The following SERPINA10 variants were observed in gnomAD, a reference collection of about 807,000 sequenced individuals.
SERPINA10 encodes protein Z-dependent protease inhibitor.
A neutral mutation model predicts 28.0 loss-of-function variants in SERPINA10; 24 were observed. That is an observed-to-expected ratio of 0.86 (90% CI 0.62 to 1.20). The LOEUF (loss-of-function observed/expected upper bound fraction) is 1.20, where lower values mean the gene tolerates loss of function less well. Among genes scored for constraint, SERPINA10 ranks in the 50% most tolerant of loss-of-function variants. SERPINA10 has a pLI of 0.00. For missense variants in SERPINA10, 521 were observed against 537.7 expected (o/e 0.97, Z 0.31); for synonymous variants, 207 against 203.9 (o/e 1.02, Z -0.13).
rs1156830720 is a variant in SERPINA10, at chr14:94,288,381, C to T, written c.897G>A (p.Leu299=). The T allele has an allele frequency of 1.2e-6, 2 of 1,614,008 alleles. No individual in the cohort carries two copies. Among genetic ancestry groups the T allele is most frequent in the Non-Finnish European group, 1.7e-6 (2 of 1,180,018 alleles). Residue 299 remains leucine, a synonymous_variant, in exon 3 of 5, where the codon CTG becomes CTA. Coordinates refer to ENST00000261994, the MANE Select transcript of SERPINA10 (RefSeq NM_001100607.3). ...CACCCATTTTCTCCATGAGGACCAC[C>T]AGCATGGTGGCATTTCCTTGGTAGG... ...KLPYQGNATM[L]VVLMEKMGDH... is the part of the protein sequence containing the mutation.
chr14:94,282,535 G>C lies in SERPINA10; in HGVS notation c.*1430C>G, dbSNP rs1468442170. ...CATCAGATGTTTTAGATGGAAGGAA[G>C]AGTAAAAAGGGCTTGGAGACTAGAC... On this transcript the variant is annotated 3_prime_UTR_variant, in exon 5 of 5. Transcript: ENST00000261994. The C allele has an allele frequency of 6.6e-6, 1 of 152,190 alleles. No homozygotes were observed. Among genetic ancestry groups the C allele is most frequent in the Non-Finnish European group, 1.5e-5 (1 of 68,062 alleles). 9.4% of individuals were successfully genotyped at this position (152,190 alleles called of 1,614,324 possible). A position where few individuals can be genotyped will look rare whatever the true frequency, so the allele number is the denominator to read the frequency against.
rs1894943175 is a variant in SERPINA10 at position 94,283,376 on chromosome 14, C to G, written c.*589G>C. 1 of 152,808 alleles carries G rather than the reference C, an allele frequency of 6.5e-6. No homozygotes were observed. The highest frequency in any genetic ancestry group is 1.9e-4 in the East Asian group (1 of 5,208). 9.5% of individuals were successfully genotyped at this position (152,808 alleles called of 1,614,324 possible). On this transcript the variant is annotated 3_prime_UTR_variant, in exon 5 of 5. Transcript: ENST00000261994. ...CCTCCCTTATCCATGGTTTTGCTTTCTGCAGTCTCAGTTAACCATGGTCAA... is the reference window on the plus strand; with the variant it reads ...CCTCCCTTATCCATGGTTTTGCTTTGTGCAGTCTCAGTTAACCATGGTCAA...
At position 94,286,325 on chromosome 14, in the gene SERPINA10, C is replaced by T. The variant is rs539768100; in HGVS notation, c.993-67G>A. 7.8e-5 allele frequency: 123 copies of T among 1,575,698 alleles called. No individual in the cohort carries two copies. In the African/African-American group the frequency reaches 1.5e-3, roughly 20 times the overall value. On this transcript the variant is annotated intron_variant, in intron 3 of 4. Transcript: ENST00000261994. ...CCTAGTCTGTGGACACCAAAAAGGT[C>T]ACAATTTTTGTTCTTTAAGATTATT...
Position 94,282,782 on chromosome 14 carries a change from A to G in SERPINA10, c.*1183T>C, listed in dbSNP as rs971941116. On this transcript the variant is annotated 3_prime_UTR_variant, in exon 5 of 5. Coordinates refer to ENST00000261994, the MANE Select transcript of SERPINA10 (RefSeq NM_001100607.3). ...ATATGCAACTTTGAAAGACGAATATATTCATCTTTCTACCAATGCAGCCAT... is the reference window on the plus strand; with the variant it reads ...ATATGCAACTTTGAAAGACGAATATGTTCATCTTTCTACCAATGCAGCCAT... 3 of 152,220 alleles carry G rather than the reference A, an allele frequency of 2.0e-5. No individual in the cohort carries two copies. The highest frequency in any genetic ancestry group is 3.2e-3 in the Middle Eastern group (1 of 316). The allele number at this position is 152,220 out of a possible 1,614,324, so 9.4% of individuals were successfully genotyped here. A position where few individuals can be genotyped will look rare whatever the true frequency, so the allele number is the denominator to read the frequency against.
intron 1 of SERPINA10, among the ~76,000 whole-genome samples, chr14:94,291,694 G>A (rs1895181796): frequency 6.6e-6 from 1 of 152,210 alleles, no homozygotes; most frequent in Non-Finnish European, 1.5e-5. Context: ...GGTGGATGCT[G>A]CCGGCCTCAC....
chr14:94,285,487 ATATATATATATG>A lies in SERPINA10; in HGVS notation c.1143+609_1143+620del, dbSNP rs560815205. On this transcript the variant is annotated intron_variant, in intron 4 of 4. Coordinates refer to ENST00000261994, the MANE Select transcript of SERPINA10 (RefSeq NM_001100607.3). ...TATATATATGTATGTCTCTCTCCAT[ATATATATATATG>A]TGTGTGTATATATATATACACACAC... Among the ~76,000 whole-genome samples the A allele has an allele frequency of 1.8e-3, 263 of 150,006 alleles. 2 individuals carry two copies. In the South Asian group the frequency reaches 0.028, roughly 16 times the overall value.
At position 94,288,491 on chromosome 14, in the gene SERPINA10, TCTTGTA is replaced by T. The variant is rs934512602; in HGVS notation, c.781_786del (p.Tyr261_Lys262del). 5.6e-6 allele frequency: 9 copies of T among 1,614,046 alleles called. No individual in the cohort carries two copies. In the African/African-American group the frequency reaches 1.1e-4, roughly 19 times the overall value. On this transcript the variant is annotated inframe_deletion, in exon 3 of 5. Transcript: ENST00000261994. Reference sequence around the variant, plus strand: ...CCGTACATCATGGGCACCTTAATGGTCTTGTACTTGTCCAGGTGGAAAGTGTCGACT... The same window carrying T: ...CCGTACATCATGGGCACCTTAATGGTCTTGTCCAGGTGGAAAGTGTCGACT...
intron 4 of SERPINA10, 141 bp from the exon 5 acceptor site, chr14:94,284,297 A>G: frequency 1.3e-6 from 1 of 786,244 alleles, no homozygotes; most frequent in Non-Finnish European, 2.1e-6. Flanking sequence ...CATCTACGTT[A>G]AGAGGAGTGG....
rs750272507 is a variant in SERPINA10, at chr14:94,288,367, TC to T, written c.910del (p.Glu304ArgfsTer13). 1 of 1,614,156 alleles carries T rather than the reference TC, an allele frequency of 6.2e-7. No homozygotes were observed. The highest frequency in any genetic ancestry group is 1.7e-5 in the Admixed American group (1 of 60,020). ...AAGGGCGAGGTGGTCACCCATTTTC[TC>T]CATGAGGACCACCAGCATGGTGGCA... The part of the protein sequence containing the change: ...GNATMLVVLM[E>X]KMGDHLALED... On this transcript the variant is annotated frameshift_variant, in exon 3 of 5. Transcript: ENST00000261994. LOFTEE classifies it high-confidence loss of function.
At chr14:94,284,281 C>A in intron 4 of SERPINA10, 125 bp from the exon 5 acceptor site, 1 of 861,352 alleles carries the variant, frequency 1.2e-6, no homozygotes. Context: ...TTTAGTGGAG[C>A]AGGCCCATCT....
rs117841209 is a variant in SERPINA10, at chr14:94,291,047, G to A, written c.-50-404C>T. ...CATTCACTGCCCTGACCATCTGGTC[G>A]TCAGGCTGCCCATCCAGATGGGTGG... is the stretch of plus-strand genomic sequence containing the variant. On this transcript the variant is annotated intron_variant, in intron 1 of 4. Transcript: ENST00000261994. Among the ~76,000 whole-genome samples, 313 of 152,304 alleles carry A rather than the reference G, an allele frequency of 2.1e-3. 3 individuals are homozygous for A. The South Asian group carries it at 0.035, about 17-fold the overall frequency.
chr14:94,290,782 G>A, intron 1 of SERPINA10, 139 bp from the exon 2 acceptor site: 3 of 902,230 alleles, frequency 3.3e-6, no homozygotes, highest in Admixed American at 2.5e-5. Flanking sequence ...TAGAGCAAGT[G>A]TGGGTGACAT....
At position 94,288,471 on chromosome 14, in the gene SERPINA10, C is replaced by T. The variant is rs375976787; in HGVS notation, c.807G>A (p.Met269Ile). The T allele has an allele frequency of 5.9e-5, 96 of 1,614,054 alleles. No homozygotes were observed. Among genetic ancestry groups the T allele is most frequent in the Non-Finnish European group, 7.7e-5 (91 of 1,180,040 alleles). The change falls in exon 3 of 5, where the codon ATG (methionine) becomes ATA (isoleucine). Residue 269 changes from methionine to isoleucine, a missense_variant. By Grantham distance (10) the Met-to-Ile change is conservative. Transcript: ENST00000261994. The part of the protein sequence containing the change: ...DKYKTIKVPM[M>I]YGAGKFASTF... ...TGGAGGCAAACTTGCCTGCACCGTA[C>T]ATCATGGGCACCTTAATGGTCTTGT... is the stretch of plus-strand genomic sequence containing the variant.
chr14:94,285,869 G>T (rs1191043606), intron 4 of SERPINA10, among the ~76,000 whole-genome samples: 1 of 152,114 alleles, frequency 6.6e-6, no homozygotes, highest in Non-Finnish European at 1.5e-5. Flanking sequence ...ATTTCTCCCT[G>T]AGCACTTTAA....
chr14:94,288,435 C>G lies in SERPINA10; in HGVS notation c.843G>C (p.Lys281Asn). The G allele has an allele frequency of 6.2e-7, 1 of 1,614,108 alleles. No homozygotes were observed. The highest frequency in any genetic ancestry group is 1.1e-5 in the South Asian group (1 of 91,078). Residue 281 changes from lysine (K) to asparagine (N), a missense_variant, in exon 3 of 5, where the codon AAG becomes AAC. Physicochemically the swap from Lys to Asn is moderately conservative, Grantham distance 94. Transcript: ENST00000261994. ...GTTTGAGGACATGACAACGAAAATT[C>G]TTGTCAAAGGTGGAGGCAAACTTGC... is the stretch of plus-strand genomic sequence containing the variant. ...GAGKFASTFD[K>N]NFRCHVLKLP...
rs761553114 is a variant in SERPINA10, at chr14:94,290,470, C to T, written c.124G>A (p.Val42Met). The T allele has an allele frequency of 6.2e-7, 1 of 1,613,750 alleles. No homozygotes were observed. Among genetic ancestry groups the T allele is most frequent in the Non-Finnish European group, 8.5e-7 (1 of 1,179,834 alleles). ...PAPQNQTSRVVQAPKEEEEDE... is the reference protein window; with the variant it reads ...PAPQNQTSRVMQAPKEEEEDE... ...TCCTCTTCCTCCTTGGGAGCCTGCA[C>T]TACCCTGCTGGTCTGGTTCTGAGGG... is the stretch of plus-strand genomic sequence containing the variant. Residue 42 changes from valine (V) to methionine (M), a missense_variant, in exon 2 of 5, where the codon GTG (valine) becomes ATG (methionine). Physicochemically the swap from Val to Met is conservative, Grantham distance 21. Coordinates refer to ENST00000261994, the MANE Select transcript of SERPINA10 (RefSeq NM_001100607.3).
rs1335827901 is a variant in SERPINA10 at position 94,292,620 on chromosome 14, T to C, written c.-51+569A>G. ...ATGCTGAGTCTTACCTTCCTGTTCT[T>C]GGAGCTTGTCCTGCAGTCTGCAGTG... On this transcript the variant is annotated intron_variant, in intron 1 of 4. Transcript: ENST00000261994. 1.4e-5 allele frequency: 10 copies of C among 701,754 alleles called. No homozygotes were observed. In the East Asian group the frequency reaches 2.1e-4, roughly 15 times the overall value. The allele number at this position is 701,754 out of a possible 1,614,324, so 43.5% of individuals were successfully genotyped here.
Position 94,282,474 on chromosome 14 carries a change from A to G in SERPINA10, c.*1491T>C, listed in dbSNP as rs1894924416. The G allele has an allele frequency of 6.6e-6, 1 of 152,094 alleles. No homozygotes were observed. The highest frequency in any genetic ancestry group is 1.5e-5 in the Non-Finnish European group (1 of 68,018). The allele number at this position is 152,094 out of a possible 1,614,324, so 9.4% of individuals were successfully genotyped here. A position where few individuals can be genotyped will look rare whatever the true frequency, so the allele number is the denominator to read the frequency against. On this transcript the variant is annotated 3_prime_UTR_variant, in exon 5 of 5. Transcript: ENST00000261994. Reference sequence around the variant, plus strand: ...CATGCTTATATTCTGTTTAACCCCCATGGGTAGCTGTAGTGCATGCTGTTT... The same window carrying G: ...CATGCTTATATTCTGTTTAACCCCCGTGGGTAGCTGTAGTGCATGCTGTTT...
Position 94,283,999 on chromosome 14 carries a change from A to T in SERPINA10, c.1301T>A (p.Phe434Tyr), listed in dbSNP as rs75367241. The change falls in exon 5 of 5, where the codon TTT becomes TAT. Residue 434 changes from phenylalanine (F) to tyrosine (Y), a missense_variant. Coordinates refer to ENST00000261994, the MANE Select transcript of SERPINA10 (RefSeq NM_001100607.3). ...IYEETSGMLLFLGRVVNPTLL is the reference protein window; with the variant it reads ...IYEETSGMLLYLGRVVNPTLL ...AGTCGGATTCACCACCCTGCCCAGAAACAGAAGCATTCCAGAGGTTTCTTC... is the reference window on the plus strand; with the variant it reads ...AGTCGGATTCACCACCCTGCCCAGATACAGAAGCATTCCAGAGGTTTCTTC... 3,006 of 1,614,076 alleles carry T rather than the reference A, an allele frequency of 1.9e-3. 4 individuals carry two copies. The highest frequency in any genetic ancestry group is 2.4e-3 in the Non-Finnish European group (2,805 of 1,179,948).
Sources: allele counts gnomAD v4.1 joint callset (sites outside exome capture counted in the v4.1 genomes callset), GRCh38; gene constraint gnomAD v4.1.1; transcripts MANE v1.5; gene names NCBI Gene and HGNC (gene_info 2026-07-23, HGNC 2026-07-21).